The following ARHGAP11A variants were observed in gnomAD, a reference collection of about 807,000 sequenced individuals.
ARHGAP11A encodes the protein rho GTPase-activating protein 11A.
A neutral mutation model predicts 60.5 loss-of-function variants in ARHGAP11A; 36 were observed. The observed-to-expected ratio is 0.59, with a 90% CI of 0.46 to 0.79. The LOEUF (loss-of-function observed/expected upper bound fraction) is 0.79. ARHGAP11A is among the 30% of genes least tolerant of loss of function. The probability of loss-of-function intolerance (pLI) is 0.00; values close to 1 mark genes in which losing one functional copy is unlikely to be tolerated. For synonymous variants in ARHGAP11A, 362 were observed against 415.5 expected, an observed-to-expected ratio of 0.87 and a Z score of 1.57; for missense variants, 1,071 against 1,199.2, an observed-to-expected ratio of 0.89 and a Z score of 1.58.
Position 32,627,378 on chromosome 15 carries a change from G to C in ARHGAP11A, c.863-1350G>C, listed in dbSNP as rs1419384160. On this transcript the variant is annotated intron_variant, in intron 6 of 11. Coordinates refer to ENST00000361627, the MANE Select transcript of ARHGAP11A (RefSeq NM_014783.6). ...CCTCTTCCTCTACCATCTATAATCA[G>C]ACAGTTTTCATGTCGTATAAGATTC... 1.3e-4 allele frequency among the ~76,000 whole-genome samples: 19 copies of C among 151,842 alleles called. 1 individual carries two copies. Among genetic ancestry groups the C allele is most frequent in the Admixed American group, 1.2e-3 (19 of 15,236 alleles).
chr15:32,633,905 C>G (rs779897358), intron 9 of ARHGAP11A, 28 bp from the exon 10 acceptor site: 13 of 1,456,150 alleles, frequency 8.9e-6, no homozygotes, highest in Non-Finnish European at 1.2e-5. Context: ...ATACTATAAA[C>G]TGACATTTTT....
At chr15:32,632,826 T>TC (rs1467656361) in intron 8 of ARHGAP11A, 153 bp from the exon 9 acceptor site, 1 of 674,738 alleles carries the variant, frequency 1.5e-6, no homozygotes, top group Non-Finnish European at 2.3e-6. Flanking sequence ...GTTGGGTTAT[T>TC]TGACACTTGA....
At chr15:32,616,383 C>T (rs767019297) in intron 1 of ARHGAP11A, 43 bp downstream of exon 1, 16 of 1,611,014 alleles carry the variant, frequency 9.9e-6, no homozygotes, top group African/African-American at 5.3e-5. Flanking sequence ...AGAAAGGGCA[C>T]ACCCTTTATC....
Position 32,637,004 on chromosome 15 carries a change from T to A in ARHGAP11A, c.2231T>A (p.Met744Lys), listed in dbSNP as rs1226281890. The A allele has an allele frequency of 1.9e-6, 3 of 1,611,902 alleles. No individual in the cohort carries two copies. Among genetic ancestry groups the A allele is most frequent in the East Asian group, 4.5e-5 (2 of 44,890 alleles). Residue 744 changes from methionine to lysine, a missense_variant, in exon 12 of 12, where the codon ATG (methionine) becomes AAG (lysine). By Grantham distance (95) the Met-to-Lys change is moderately conservative. This residue lies in a region of ARHGAP11A where 776 missense variants were observed against 760.2 expected (regional missense o/e 1.02). Transcript: ENST00000361627. The stretch of plus-strand genomic sequence containing the variant: ...AAATTAAAAGAGAATGAGAATATGA[T>A]GGAAGGTAACTTACCGAAGTGTGCA... ...NNKLKENENM[M>K]EGNLPKCAAH... is the part of the protein sequence containing the mutation.
rs1160236441 is a variant in ARHGAP11A at position 32,639,057 on chromosome 15, C to G, written c.*1212C>G. On this transcript the variant is annotated 3_prime_UTR_variant, in exon 12 of 12. Coordinates refer to ENST00000361627, the MANE Select transcript of ARHGAP11A (RefSeq NM_014783.6). ...TCTCTGGAAAATGACTTGACTAAGG[C>G]TCTCATGAAATTCAAAGTGCCATTT... 4.6e-5 allele frequency: 7 copies of G among 152,626 alleles called. No individual in the cohort carries two copies. 9.5% of individuals were successfully genotyped at this position (152,626 alleles called of 1,614,324 possible). A position where few individuals can be genotyped will look rare whatever the true frequency, so the allele number is the denominator to read the frequency against.
Position 32,629,710 on chromosome 15 carries a change from C to T in ARHGAP11A, c.1053C>T (p.Asn351=), listed in dbSNP as rs757696781. The T allele has an allele frequency of 3.1e-6, 5 of 1,613,084 alleles. No homozygotes were observed. In the African/African-American group the frequency reaches 6.7e-5, roughly 22 times the overall value. ...GGAAGTCCATCAAGCACAATTTTAA[C>T]TTTGAGCTGTTGCCAAGTAATCTCT... The part of the protein sequence containing the change: ...KKRKSIKHNF[N]FELLPSNLFN... Residue 351 remains asparagine, a synonymous_variant, in exon 8 of 12, where the codon AAC becomes AAT. Transcript: ENST00000361627.
chr15:32,627,900 C>T (rs536111378), intron 6 of ARHGAP11A, among the ~76,000 whole-genome samples: 59 of 150,472 alleles, frequency 3.9e-4, no homozygotes, highest in Non-Finnish European at 6.9e-4. Flanking sequence ...ATCTCCACCT[C>T]CTGGGTTCAA....
At chr15:32,626,909 G>A (rs976385053) in intron 6 of ARHGAP11A, among the ~76,000 whole-genome samples, 4 of 152,046 alleles carry the variant, frequency 2.6e-5, no homozygotes, top group Non-Finnish European at 5.9e-5. Context: ...ATTTTAACTC[G>A]AGTACATCTG....
rs925586193 is a variant in ARHGAP11A at position 32,629,773 on chromosome 15, G to T, written c.1105+11G>T. ...CTACACCGGTATCAGGTAGCAAATAGAATTTATATAAATGGATTGTAAAGA... is the reference window on the plus strand; with the variant it reads ...CTACACCGGTATCAGGTAGCAAATATAATTTATATAAATGGATTGTAAAGA... On this transcript the variant is annotated intron_variant, in intron 8 of 11. Coordinates refer to ENST00000361627, the MANE Select transcript of ARHGAP11A (RefSeq NM_014783.6). The T allele has an allele frequency of 1.1e-5, 18 of 1,588,266 alleles. No homozygotes were observed. In the African/African-American group the frequency reaches 1.8e-4, roughly 16 times the overall value.
At chr15:32,617,931 T>C (rs2053201208) in intron 1 of ARHGAP11A, among the ~76,000 whole-genome samples, 1 of 152,198 alleles carries the variant, frequency 6.6e-6, no homozygotes, top group Non-Finnish European at 1.5e-5. Flanking sequence ...GTATTTCTCC[T>C]TGGATTATTT....
At position 32,636,301 on chromosome 15, in the gene ARHGAP11A, G is replaced by A. The variant is rs771769961; in HGVS notation, c.1528G>A (p.Glu510Lys). 6.2e-7 allele frequency: 1 copy of A among 1,612,752 alleles called. No homozygotes were observed. The highest frequency in any genetic ancestry group is 8.5e-7 in the Non-Finnish European group (1 of 1,179,614). The change falls in exon 12 of 12, where the codon GAG becomes AAG. Residue 510 changes from glutamate (E) to lysine (K), a missense_variant. Transcript: ENST00000361627. ...GTCTGAGGAAACCTTACTAACTCCA[G>A]AGCGACTAGTTGGAACAAATTACCG... is the stretch of plus-strand genomic sequence containing the variant. ...SKSEETLLTP[E>K]RLVGTNYRMS...
chr15:32,630,179 C>T (rs12913168), intron 8 of ARHGAP11A, among the ~76,000 whole-genome samples: 43,328 of 82,518 alleles, frequency 0.53, 11,914 homozygotes, highest in Non-Finnish European at 0.58. Flanking sequence ...CAAGTGGGAG[C>T]GTTACTATTG....
rs972324924 is a variant in ARHGAP11A, at chr15:32,625,225, G to A, written c.697G>A (p.Asp233Asn). 3.7e-6 allele frequency: 6 copies of A among 1,609,566 alleles called. No individual in the cohort carries two copies. In the African/African-American group the frequency reaches 4.0e-5, roughly 11 times the overall value. Residue 233 changes from aspartate to asparagine, a missense_variant, in exon 5 of 12, where the codon GAT becomes AAT. By Grantham distance (23) the Asp-to-Asn change is conservative. Around this residue, in one of 4 missense-constraint regions of ARHGAP11A, gnomAD observed 196 missense variants for 272.1 expected, o/e 0.72. Transcript: ENST00000361627. Reference sequence around the variant, plus strand: ...GGCTGCAGTAGTACAGACTCTTATCGATTATGCATCAGATATTGGTAAGAT... The same window carrying A: ...GGCTGCAGTAGTACAGACTCTTATCAATTATGCATCAGATATTGGTAAGAT... ...LQAAVVQTLI[D>N]YASDIGRVPD... is the part of the protein sequence containing the mutation.
At chr15:32,633,879 T>C (rs933266180) in intron 9 of ARHGAP11A, 54 bp from the exon 10 acceptor site, 4 of 1,071,848 alleles carry the variant, frequency 3.7e-6, no homozygotes. Flanking sequence ...GTATTTCAAG[T>C]ATTTCTCTGG....
rs559873281 is a variant in ARHGAP11A at position 32,635,658 on chromosome 15, A to G, written c.1345-119A>G. 250 of 606,678 alleles carry G rather than the reference A, an allele frequency of 4.1e-4. 2 individuals carry two copies. The South Asian group carries it at 0.011, about 27-fold the overall frequency. The allele number at this position is 606,678 out of a possible 1,614,324, so 37.6% of individuals were successfully genotyped here. A position where few individuals can be genotyped will look rare whatever the true frequency, so the allele number is the denominator to read the frequency against. On this transcript the variant is annotated intron_variant, in intron 10 of 11. Transcript: ENST00000361627. ...TGTCATTGTTAAGAATTGTTTCTCAATTATATATCCCTTTTTAAATCAGCT... is the reference window on the plus strand; with the variant it reads ...TGTCATTGTTAAGAATTGTTTCTCAGTTATATATCCCTTTTTAAATCAGCT...
intron 8 of ARHGAP11A, among the ~76,000 whole-genome samples, chr15:32,630,996 T>C (rs1054271298): frequency 6.6e-6 from 1 of 152,172 alleles, no homozygotes; most frequent in African/African-American, 2.4e-5. Flanking sequence ...TACTGATTCC[T>C]TCTTCTCCTC....
In ARHGAP11A at chr15:32,634,014, C is replaced by CA; in HGVS notation, c.1319dup (p.Asn440LysfsTer17). 1 of 1,606,256 alleles carries CA rather than the reference C, an allele frequency of 6.2e-7. No individual in the cohort carries two copies. Among genetic ancestry groups the CA allele is most frequent in the Non-Finnish European group, 8.5e-7 (1 of 1,177,602 alleles). On this transcript the variant is annotated frameshift_variant, in exon 10 of 12. Transcript: ENST00000361627. LOFTEE classifies it high-confidence loss of function. The stretch of plus-strand genomic sequence containing the variant: ...TTCGAAGATCTCTGCGTTTGAAATT[C>CA]AATCTAGGGAAAAATGGCAGAGAAG...
chr15:32,623,596 T>A lies in ARHGAP11A; in HGVS notation c.297+8T>A. The A allele has an allele frequency of 1.9e-6, 3 of 1,607,996 alleles. No individual in the cohort carries two copies. In the African/African-American group the frequency reaches 4.0e-5, roughly 22 times the overall value. Reference sequence around the variant, plus strand: ...CGCCTAAAAGCACTAAAGGTGAGCATATTGTTGAACTATTAATTTTTCATT... The same window carrying A: ...CGCCTAAAAGCACTAAAGGTGAGCAAATTGTTGAACTATTAATTTTTCATT... On this transcript the variant is annotated splice_region_variant and intron_variant, in intron 3 of 11. Coordinates refer to ENST00000361627, the MANE Select transcript of ARHGAP11A (RefSeq NM_014783.6).
In ARHGAP11A at chr15:32,633,947, A is replaced by G. The variant is rs370018631; in HGVS notation, c.1250A>G (p.Lys417Arg). ...ACTTCTTCTAGAGTGGAATCAGGAA[A>G]AGCAGGCTGCTTTTCTCCTAAAATC... ...GKKVCRVESG[K>R]AGCFSPKISH... is the part of the protein sequence containing the mutation. Residue 417 changes from lysine to arginine, a missense_variant, in exon 10 of 12, where the codon AAA becomes AGA. By Grantham distance (26) the Lys-to-Arg change is conservative (BLOSUM62 2). Coordinates refer to ENST00000361627, the MANE Select transcript of ARHGAP11A (RefSeq NM_014783.6). The G allele has an allele frequency of 1.9e-6, 3 of 1,601,990 alleles. No individual in the cohort carries two copies. The African/African-American group carries it at 4.0e-5, about 22-fold the overall frequency.
Sources: allele counts gnomAD v4.1 joint callset (sites outside exome capture counted in the v4.1 genomes callset), GRCh38; gene constraint gnomAD v4.1.1; regional missense constraint gnomAD v4.1.1; transcripts MANE v1.5; gene names NCBI Gene and HGNC (gene_info 2026-07-23, HGNC 2026-07-21).